Variants in FREM3 observed in about 807,000 individuals in gnomAD.
The protein encoded by FREM3 is FRAS1-related extracellular matrix protein 3.
Under a neutral mutation model 129.1 loss-of-function variants are expected in FREM3, and 105 were observed. The ratio of observed to expected loss-of-function variants is 0.81; its 90% CI spans 0.69 to 0.96. The LOEUF is 0.96. FREM3 is among the 40% of genes least tolerant of loss of function. The probability of loss-of-function intolerance (pLI) is 0.00; values close to 1 mark genes in which losing one functional copy is unlikely to be tolerated. For synonymous variants in FREM3, 1,014 were observed against 1,044.9 expected (o/e 0.97, Z 0.57); for missense variants, 2,593 against 2,666.3 (o/e 0.97, Z 0.61).
At chr4:143,595,040 T>A (rs1229920709) in intron 6 of FREM3, among the ~76,000 whole-genome samples, 2 of 152,200 alleles carry the variant, frequency 1.3e-5, no homozygotes, top group African/African-American at 4.8e-5. Flanking sequence ...AAAATAAATA[T>A]GACAAGGTCA....
Position 143,627,740 on chromosome 4 carries a change from G to A in FREM3, c.5296C>T (p.Gln1766Ter). Residue 1766 changes from glutamine (Q) to a stop codon, truncating the protein, a stop_gained, in exon 3 of 8, where the codon CAG becomes TAG. Transcript: ENST00000329798. LOFTEE classifies it high-confidence loss of function. Reference protein sequence around the residue: ...EDNGGNKLTNQPFHLNWAWIC... With the variant: ...EDNGGNKLTN ...CAAGCCCAGTTTAGATGGAAAGGCT[G>A]ATTTGTTAGTTTATTTCCTCCTGCA... 6.5e-7 allele frequency: 1 copy of A among 1,535,474 alleles called. No individual in the cohort carries two copies. The highest frequency in any genetic ancestry group is 8.7e-7 in the Non-Finnish European group (1 of 1,145,584).
chr4:143,602,719 T>G (rs746985212), intron 6 of FREM3, among the ~76,000 whole-genome samples: 2 of 152,100 alleles, frequency 1.3e-5, no homozygotes, highest in Admixed American at 6.6e-5. Flanking sequence ...GTAACTTCAG[T>G]AGAGTCAGGC....
In FREM3 at chr4:143,680,677, C is replaced by A. The variant is rs568103272; in HGVS notation, c.5275+12436G>T. On this transcript the variant is annotated intron_variant, in intron 2 of 7. Transcript: ENST00000329798. ...AAAATAAGAGCAAACAGACTTCAAG[C>A]ATTTTTGAATCAGGCGTGAAAATTT... 2.1e-3 allele frequency among the ~76,000 whole-genome samples: 312 copies of A among 152,174 alleles called. 4 individuals are homozygous for A. Among genetic ancestry groups the A allele is most frequent in the African/African-American group, 7.2e-3 (300 of 41,522 alleles).
chr4:143,690,795 G>C (rs767252045), intron 2 of FREM3, among the ~76,000 whole-genome samples: 1 of 152,118 alleles, frequency 6.6e-6, no homozygotes, highest in Non-Finnish European at 1.5e-5. Flanking sequence ...GCTGTTCCAG[G>C]AATGCCATCA....
chr4:143,675,839 A>T (rs1740109468), intron 2 of FREM3, among the ~76,000 whole-genome samples: 1 of 152,236 alleles, frequency 6.6e-6, no homozygotes. Context: ...AGACTAAACC[A>T]GGAAGAAGTT....
rs1167714280 is a variant in FREM3 at position 143,699,587 on chromosome 4, C to T, written c.1089G>A (p.Val363=). The change falls in exon 1 of 8, where the codon GTG becomes GTA. Residue 363 remains valine (V), a synonymous_variant. Transcript: ENST00000329798. This position sits in a 1 kb window ranked among gnomAD's most constrained non-coding sequence, Gnocchi z 4.2. ...GCCCTAGAGGGTCGTCGGTGCTGAC[C>T]ACGTAGCCCTGTTGCCCCGGGTGCC... is the stretch of plus-strand genomic sequence containing the variant. The part of the protein sequence containing the change: ...PPGHPGQQGY[V]VSTDDPLGLP... 6.5e-7 allele frequency: 1 copy of T among 1,532,088 alleles called. No homozygotes were observed. The allele number at this position is 1,532,088 out of a possible 1,614,324, so 94.9% of individuals were successfully genotyped here. A position where few individuals can be genotyped will look rare whatever the true frequency, so the allele number is the denominator to read the frequency against.
In FREM3 at chr4:143,621,169, A is replaced by C. The variant is rs1349912670; in HGVS notation, c.5654-7T>G. ...GGAATATAAACTGTTGATTCTAGAA[A>C]AGATGGCAGAAGACTTTTCACCAAG... On this transcript the variant is annotated splice_region_variant and splice_polypyrimidine_tract_variant and intron_variant, in intron 4 of 7. Transcript: ENST00000329798. 3.3e-6 allele frequency: 5 copies of C among 1,536,904 alleles called. No individual in the cohort carries two copies. The Admixed American group carries it at 9.8e-5, about 30-fold the overall frequency.
intron 6 of FREM3, among the ~76,000 whole-genome samples, chr4:143,608,850 T>C (rs28558208): frequency 8.6e-5 from 13 of 152,044 alleles, no homozygotes; most frequent in African/African-American, 3.1e-4. Context: ...CACAAGACCA[T>C]TCAAGTTCTT....
chr4:143,664,211 TG>T (rs1213818311), intron 2 of FREM3, among the ~76,000 whole-genome samples: 1 of 152,096 alleles, frequency 6.6e-6, no homozygotes, highest in Non-Finnish European at 1.5e-5. Flanking sequence ...CCCATCTTTG[TG>T]GTTTTATCTA....
At chr4:143,631,773 G>A (rs919482312) in intron 2 of FREM3, among the ~76,000 whole-genome samples, 1 of 152,014 alleles carries the variant, frequency 6.6e-6, no homozygotes, top group East Asian at 1.9e-4. Flanking sequence ...GGGAGAAGAA[G>A]GTAGACTTAG....
intron 6 of FREM3, among the ~76,000 whole-genome samples, chr4:143,601,442 G>T (rs866006454): frequency 6.6e-6 from 1 of 152,266 alleles, no homozygotes; most frequent in Middle Eastern, 3.4e-3. Flanking sequence ...TGTGAAACTG[G>T]ACATTTCTTT....
At position 143,589,619 on chromosome 4, in the gene FREM3, T is replaced by G. The variant is rs528172767; in HGVS notation, c.6029-3626A>C. On this transcript the variant is annotated intron_variant, in intron 6 of 7. Transcript: ENST00000329798. ...GTCTATATCTCTGTTTTGGTACCACTACCATGCTGTTTTGGTTACTGTAGC... is the reference window on the plus strand; with the variant it reads ...GTCTATATCTCTGTTTTGGTACCACGACCATGCTGTTTTGGTTACTGTAGC... Among the ~76,000 whole-genome samples the G allele has an allele frequency of 3.9e-5, 6 of 152,364 alleles. No individual in the cohort carries two copies. In the East Asian group the frequency reaches 9.6e-4, roughly 24 times the overall value.
At chr4:143,623,574 T>A (rs1455446878) in intron 4 of FREM3, among the ~76,000 whole-genome samples, 1 of 121,272 alleles carries the variant, frequency 8.2e-6, no homozygotes, top group Non-Finnish European at 1.5e-5. Context: ...ACTGCTTAGA[T>A]TTTTTTTCCT....
Position 143,697,617 on chromosome 4 carries a change from G to A in FREM3, c.3059C>T (p.Ala1020Val), listed in dbSNP as rs2149864756. ...AAAACCAACTTCACCTGCAGTGTGG[G>A]CATAGGCTACTCTCCCATTGATGAG... ...EDLINGRVAY[A>V]HTAGEVGFQK... The change falls in exon 1 of 8, where the codon GCC (alanine) becomes GTC (valine). Residue 1020 changes from alanine (A) to valine (V), a missense_variant. Physicochemically the swap from Ala to Val is moderately conservative, Grantham distance 64. Transcript: ENST00000329798. The A allele has an allele frequency of 8.5e-6, 13 of 1,537,782 alleles. No individual in the cohort carries two copies. Among genetic ancestry groups the A allele is most frequent in the Non-Finnish European group, 1.1e-5 (13 of 1,147,028 alleles).
rs763500602 is a variant in FREM3, at chr4:143,620,995, A to G, written c.5779+42T>C. On this transcript the variant is annotated intron_variant, in intron 5 of 7. Coordinates refer to ENST00000329798, the MANE Select transcript of FREM3 (RefSeq NM_001168235.2). ...CCAGCATTACCACAGTCTTGTTCTC[A>G]TCATCTTATTCCTATGAACAGGACC... 1.7e-4 allele frequency: 264 copies of G among 1,530,250 alleles called. 3 individuals are homozygous for G. Among genetic ancestry groups the G allele is most frequent in the Non-Finnish European group, 7.0e-6 (8 of 1,141,398 alleles). 94.8% of individuals were successfully genotyped at this position (1,530,250 alleles called of 1,614,324 possible).
At chr4:143,629,591 T>G (rs1347830535) in intron 2 of FREM3, among the ~76,000 whole-genome samples, 1 of 152,200 alleles carries the variant, frequency 6.6e-6, no homozygotes. Flanking sequence ...TTTTACAGTT[T>G]GAAAACACTT....
At position 143,652,146 on chromosome 4, in the gene FREM3, CTTTTTTTTTTT is replaced by C. The variant is rs1030414098; in HGVS notation, c.5276-24397_5276-24387del. 2.4e-4 allele frequency among the ~76,000 whole-genome samples: 14 copies of C among 58,508 alleles called. 3 individuals carry two copies. The highest frequency in any genetic ancestry group is 7.0e-4 in the Admixed American group (4 of 5,704). The allele number at this position is 58,508 out of a possible 152,430, so 38.4% of individuals were successfully genotyped here. A position where few individuals can be genotyped will look rare whatever the true frequency, so the allele number is the denominator to read the frequency against. On this transcript the variant is annotated intron_variant, in intron 2 of 7. Transcript: ENST00000329798. ...TTCATTCAAATGGTCTTTTTCCTTTCTTTTTTTTTTTTTTTTTTTTTTTTTTTGAGACGGAG... is the reference window on the plus strand; with the variant it reads ...TTCATTCAAATGGTCTTTTTCCTTTCTTTTTTTTTTTTTTTTGAGACGGAG...
At chr4:143,615,985 C>G (rs1408386695) in intron 5 of FREM3, among the ~76,000 whole-genome samples, 1 of 152,190 alleles carries the variant, frequency 6.6e-6, no homozygotes, top group Non-Finnish European at 1.5e-5. Flanking sequence ...GTAGTACCCT[C>G]TGAATCCTGG....
intron 5 of FREM3, among the ~76,000 whole-genome samples, chr4:143,620,153 A>AT (rs1578837601): frequency 6.6e-6 from 1 of 152,164 alleles, no homozygotes; most frequent in African/African-American, 2.4e-5. Flanking sequence ...CTTCTAATTT[A>AT]AGACCAACCA....
Sources: allele counts gnomAD v4.1 joint callset (sites outside exome capture counted in the v4.1 genomes callset), GRCh38; gene constraint gnomAD v4.1.1; non-coding constraint Gnocchi (gnomAD v3.1); transcripts MANE v1.5; gene names NCBI Gene and HGNC (gene_info 2026-07-23, HGNC 2026-07-21).